ARMC2: variants seen among roughly 807,000 people sequenced by gnomAD.
ARMC2 encodes the protein armadillo repeat-containing protein 2.
Under a neutral mutation model 90.3 loss-of-function variants are expected in ARMC2, and 67 were observed. The observed-to-expected ratio is 0.74, with a 90% CI of 0.61 to 0.91. The LOEUF is 0.91. Ranked by LOEUF, ARMC2 falls within the 40% of genes least tolerant of loss-of-function variation. ARMC2 has a pLI of 0.00. For synonymous variants in ARMC2, 393 were observed against 393.0 expected (o/e 1.00, Z 0.00); for missense variants, 920 against 1,030.9 (o/e 0.89, Z 1.47).
the ARMC2 span, among the ~76,000 whole-genome samples, chr6:109,044,112 C>T: frequency 6.6e-6 from 1 of 151,258 alleles, no homozygotes; most frequent in African/African-American, 2.4e-5. Flanking sequence ...CCCAGGAGTT[C>T]AAGACCAGCC....
At chr6:108,866,016 T>TAA (rs910550188) in intron 3 of ARMC2, among the ~76,000 whole-genome samples, 32 of 118,614 alleles carry the variant, frequency 2.7e-4, no homozygotes, top group African/African-American at 8.1e-4. Flanking sequence ...GACCCTGTCT[T>TAA]AAAAAAAAAA....
chr6:108,908,403 C>G lies in ARMC2; in HGVS notation c.1024-2496C>G, dbSNP rs114606986. 4.1e-3 allele frequency among the ~76,000 whole-genome samples: 617 copies of G among 152,322 alleles called. 2 individuals are homozygous for G. The highest frequency in any genetic ancestry group is 0.014 in the African/African-American group (578 of 41,564). ...GCAGTGAGCAGCATAGCGCCTGGTA[C>G]ACATCAGGTGCCCAGTAAATACTTG... On this transcript the variant is annotated intron_variant, in intron 8 of 17. Coordinates refer to ENST00000392644, the MANE Select transcript of ARMC2 (RefSeq NM_032131.6).
the ARMC2 span, among the ~76,000 whole-genome samples, chr6:109,032,603 G>C: frequency 6.8e-6 from 1 of 147,466 alleles, no homozygotes; most frequent in Non-Finnish European, 1.5e-5. Context: ...GGGTGACAGA[G>C]CAAGACTTCA....
downstream of ARMC2, among the ~76,000 whole-genome samples, chr6:108,977,677 C>A (rs375356093): frequency 3.2e-4 from 48 of 152,244 alleles, no homozygotes; most frequent in African/African-American, 1.1e-3. Context: ...AATTTCAGAA[C>A]TTGTTATTGG....
chr6:108,906,692 C>G (rs773433620), intron 8 of ARMC2, among the ~76,000 whole-genome samples: 4 of 152,064 alleles, frequency 2.6e-5, no homozygotes, highest in Non-Finnish European at 5.9e-5. Context: ...GCTATGATGC[C>G]CAGGCTGGTC....
At chr6:109,003,488 C>G in the ARMC2 span, among the ~76,000 whole-genome samples, 1 of 151,924 alleles carries the variant, frequency 6.6e-6, no homozygotes, top group African/African-American at 2.4e-5. Flanking sequence ...GCAGGAAGGA[C>G]AAAAGTGAAG....
At chr6:109,044,311 C>CAAAAAAAAAAAAAAAAAAAAAAAAAAA in the ARMC2 span, among the ~76,000 whole-genome samples, 2 of 28,458 alleles carry the variant, frequency 7.0e-5, no homozygotes, top group Non-Finnish European at 1.1e-4. Context: ...GAACTTGCCT[C>CAAAAAAAAAAAAAAAAAAAAAAAAAAA]AAAAAAAAAA....
intron 11 of ARMC2, among the ~76,000 whole-genome samples, chr6:108,936,024 C>T (rs530556448): frequency 6.6e-6 from 1 of 152,142 alleles, no homozygotes; most frequent in South Asian, 2.1e-4. Context: ...ATTGATTCAT[C>T]AATTAGGAAG....
intron 13 of ARMC2, among the ~76,000 whole-genome samples, chr6:108,954,425 C>G (rs977101802): frequency 1.2e-4 from 18 of 152,134 alleles, no homozygotes; most frequent in African/African-American, 4.3e-4. Flanking sequence ...GAGTTTAAGA[C>G]CAGCCTGGCC....
At chr6:108,942,429 G>A (rs1245073491) in intron 12 of ARMC2, among the ~76,000 whole-genome samples, 3 of 152,206 alleles carry the variant, frequency 2.0e-5, no homozygotes, top group Non-Finnish European at 2.9e-5. Flanking sequence ...CCAGGTGGCC[G>A]ATCAAATATG....
At chr6:108,993,839 T>G in the ARMC2 span, among the ~76,000 whole-genome samples, 1 of 152,060 alleles carries the variant, frequency 6.6e-6, no homozygotes, top group African/African-American at 2.4e-5. Context: ...CTCAGCTTCT[T>G]GAGTAGCCGG....
the ARMC2 span, among the ~76,000 whole-genome samples, chr6:108,994,111 G>A: frequency 1.1e-4 from 15 of 136,158 alleles, no homozygotes; most frequent in Non-Finnish European, 2.0e-4. Flanking sequence ...CTGCACTTCA[G>A]CCTGGCAACA....
chr6:108,956,918 G>A (rs1449586192), intron 13 of ARMC2, among the ~76,000 whole-genome samples: 1 of 152,228 alleles, frequency 6.6e-6, no homozygotes, highest in African/African-American at 2.4e-5. Context: ...CTTGAACCCA[G>A]GAGGTGGAGG....
Position 108,870,226 on chromosome 6 carries a change from AT to A in ARMC2, c.463+1240del, listed in dbSNP as rs925057910. ...TGAGCATCATACTTGACAGACAAGT[AT>A]TTTTTTTTAATTCATTTCCAACATT... is the stretch of plus-strand genomic sequence containing the variant. On this transcript the variant is annotated intron_variant, in intron 4 of 17. Coordinates refer to ENST00000392644, the MANE Select transcript of ARMC2 (RefSeq NM_032131.6). Among the ~76,000 whole-genome samples, 655 of 151,808 alleles carry A rather than the reference AT, an allele frequency of 4.3e-3. 3 individuals carry two copies. The highest frequency in any genetic ancestry group is 0.015 in the African/African-American group (604 of 41,424).
chr6:108,868,504 A>G (rs971952649), intron 3 of ARMC2, among the ~76,000 whole-genome samples: 2 of 152,238 alleles, frequency 1.3e-5, no homozygotes, highest in Admixed American at 6.5e-5. Context: ...GGCATGAGCC[A>G]CTGCGCCCGG....
intron 11 of ARMC2, among the ~76,000 whole-genome samples, chr6:108,928,796 C>T (rs1448203454): frequency 6.6e-6 from 1 of 152,088 alleles, no homozygotes. Context: ...TTGAATTATG[C>T]ATTTCTGTTT....
the ARMC2 span, among the ~76,000 whole-genome samples, chr6:109,052,010 C>T: frequency 5.9e-5 from 9 of 152,140 alleles, no homozygotes; most frequent in African/African-American, 1.9e-4. Context: ...ACATTCAAAC[C>T]ACAGCAGACA....
intron 17 of ARMC2, among the ~76,000 whole-genome samples, chr6:108,970,977 C>T (rs1227885398): frequency 6.6e-6 from 1 of 152,010 alleles, no homozygotes; most frequent in African/African-American, 2.4e-5. Flanking sequence ...AATCCCAGCA[C>T]TTTGGGAGGC....
chr6:109,042,336 G>A, the ARMC2 span, among the ~76,000 whole-genome samples: 4 of 151,562 alleles, frequency 2.6e-5, no homozygotes, highest in Non-Finnish European at 5.9e-5. Context: ...CAAGCAGACA[G>A]AAGAAAATAA....
Sources: gnomAD v4.1 joint callset for allele counts (sites outside exome capture counted in the v4.1 genomes callset) on GRCh38, gnomAD v4.1.1 for gene constraint, MANE v1.5 for transcripts, NCBI Gene and HGNC (gene_info 2026-07-23, HGNC 2026-07-21) for gene names.